Variants in AUTS2 observed in about 807,000 individuals in gnomAD.
AUTS2 encodes the protein activator of transcription and developmental regulator AUTS2.
AUTS2 carries 17 observed loss-of-function variants against 112.4 expected under a neutral mutation model. The ratio of observed to expected loss-of-function variants is 0.15; its 90% CI spans 0.10 to 0.23. AUTS2 has a LOEUF of 0.23. Ranked by LOEUF, AUTS2 falls within the 10% of genes least tolerant of loss-of-function variation. AUTS2 has a pLI of 1.00. For missense variants in AUTS2, 1,510 were observed against 1,701.6 expected (o/e 0.89, Z 1.98); for synonymous variants, 751 against 702.7 (o/e 1.07, Z -1.09).
intron 15 of AUTS2, chr7:70,782,013 T>C: frequency 2.0e-6 from 1 of 505,358 alleles, no homozygotes; most frequent in South Asian, 2.4e-5. Flanking sequence ...TATTTGCTTC[T>C]ATATTAAACC....
chr7:69,714,247 ATATGTGTGTGTGTGTGTG>A (rs1423270570), intron 1 of AUTS2, among the ~76,000 whole-genome samples: 5 of 42,346 alleles, frequency 1.2e-4, no homozygotes, highest in East Asian at 7.2e-4. Flanking sequence ...ATGTGTGTGT[ATATGTGTGTGTGTGTGTG>A]TGTGTGTGTG....
rs983112117 is a variant in AUTS2 at position 70,791,068 on chromosome 7, C to T, written c.*72C>T. On this transcript the variant is annotated 3_prime_UTR_variant, in exon 19 of 19. Coordinates refer to ENST00000342771, the MANE Select transcript of AUTS2 (RefSeq NM_015570.4). ...ACCAGGCCAGGCTTGAGAGACAGAA[C>T]TCCTGCATGGCTCACACAGACTGGG... The T allele has an allele frequency of 4.3e-6, 6 of 1,394,818 alleles. No individual in the cohort carries two copies. The highest frequency in any genetic ancestry group is 2.9e-5 in the African/African-American group (2 of 69,010). 86.4% of individuals were successfully genotyped at this position (1,394,818 alleles called of 1,614,324 possible).
chr7:70,587,755 A>G (rs1011161700), intron 5 of AUTS2, among the ~76,000 whole-genome samples: 8 of 152,226 alleles, frequency 5.3e-5, no homozygotes, highest in African/African-American at 1.2e-4. Flanking sequence ...AATATTGGCA[A>G]TTGTATGTGG....
At position 70,435,786 on chromosome 7, in the gene AUTS2, G is replaced by A; in HGVS notation, c.690+5G>A. The A allele has an allele frequency of 6.2e-7, 1 of 1,613,822 alleles. No individual in the cohort carries two copies. The highest frequency in any genetic ancestry group is 8.5e-7 in the Non-Finnish European group (1 of 1,179,782). On this transcript the variant is annotated splice_donor_5th_base_variant and intron_variant, in intron 5 of 18. Transcript: ENST00000342771. ...GACAGTGACCAGGAAGAGAAGGTAA[G>A]ACCCCCCCTCCCCCATTGTGGGCAC...
intron 4 of AUTS2, among the ~76,000 whole-genome samples, chr7:70,273,580 T>G (rs1230561625): frequency 1.3e-5 from 2 of 152,108 alleles, no homozygotes; most frequent in African/African-American, 2.4e-5. Flanking sequence ...AAATGTAAAC[T>G]CTAATACAAG....
At chr7:69,844,341 A>G (rs1792104388) in intron 1 of AUTS2, among the ~76,000 whole-genome samples, 1 of 152,198 alleles carries the variant, frequency 6.6e-6, no homozygotes, top group African/African-American at 2.4e-5. Flanking sequence ...AGTCTTACTG[A>G]TAACCGAATG....
chr7:70,612,992 G>C (rs1229983673), intron 5 of AUTS2, among the ~76,000 whole-genome samples: 2 of 151,998 alleles, frequency 1.3e-5, no homozygotes, highest in East Asian at 1.9e-4. Flanking sequence ...ACAGCGCGGT[G>C]GTACATCATC....
At chr7:70,417,440 T>C (rs1324357400) in intron 4 of AUTS2, among the ~76,000 whole-genome samples, 2 of 152,158 alleles carry the variant, frequency 1.3e-5, no homozygotes, top group Admixed American at 1.3e-4. Context: ...CGAGGCAATT[T>C]CCAGGCGTAA....
chr7:69,934,085 G>A (rs1445988249), intron 2 of AUTS2, among the ~76,000 whole-genome samples: 1 of 152,204 alleles, frequency 6.6e-6, no homozygotes, highest in African/African-American at 2.4e-5. Context: ...GCGGAATCTA[G>A]TTTTTATCCT....
chr7:69,773,782 C>T (rs1788774488), intron 1 of AUTS2, among the ~76,000 whole-genome samples: 1 of 152,182 alleles, frequency 6.6e-6, no homozygotes, highest in Non-Finnish European at 1.5e-5. Context: ...CCAGGAGTAT[C>T]AGCGGGGTCC....
chr7:70,503,000 A>G (rs1186431535), intron 5 of AUTS2, among the ~76,000 whole-genome samples: 1 of 151,998 alleles, frequency 6.6e-6, no homozygotes, highest in Non-Finnish European at 1.5e-5. Context: ...ATCTATCACC[A>G]TCACCTTGAC....
At chr7:70,531,566 G>A (rs756421000) in intron 5 of AUTS2, among the ~76,000 whole-genome samples, 1 of 152,164 alleles carries the variant, frequency 6.6e-6, no homozygotes, top group African/African-American at 2.4e-5. Context: ...CATATGGTGA[G>A]AGACGGAGCA....
chr7:70,514,885 TC>T (rs1799352623), intron 5 of AUTS2, among the ~76,000 whole-genome samples: 1 of 152,236 alleles, frequency 6.6e-6, no homozygotes, highest in South Asian at 2.1e-4. Context: ...ATTTGGATTT[TC>T]CCAATTACTA....
At chr7:70,494,768 C>T (rs1247709756) in intron 5 of AUTS2, among the ~76,000 whole-genome samples, 1 of 152,092 alleles carries the variant, frequency 6.6e-6, no homozygotes, top group African/African-American at 2.4e-5. Flanking sequence ...AAACAAAGTT[C>T]AAAAAGTAAA....
intron 4 of AUTS2, among the ~76,000 whole-genome samples, chr7:70,319,704 A>G (rs1445685885): frequency 6.6e-6 from 1 of 152,186 alleles, no homozygotes. Context: ...AGAACATCCA[A>G]CACCTTAGGA....
chr7:70,272,533 C>T (rs1169766112), intron 4 of AUTS2, among the ~76,000 whole-genome samples: 2 of 152,152 alleles, frequency 1.3e-5, no homozygotes, highest in Non-Finnish European at 2.9e-5. Flanking sequence ...TTTCTGTGTA[C>T]CACTAACCTA....
chr7:69,978,799 T>C (rs576019202), intron 2 of AUTS2, among the ~76,000 whole-genome samples: 1 of 150,706 alleles, frequency 6.6e-6, no homozygotes, highest in Non-Finnish European at 1.5e-5. Context: ...TGAGCCATGA[T>C]TGCACCTCTG....
At chr7:70,561,487 A>G (rs1248199801) in intron 5 of AUTS2, among the ~76,000 whole-genome samples, 1 of 152,164 alleles carries the variant, frequency 6.6e-6, no homozygotes, top group Non-Finnish European at 1.5e-5. Flanking sequence ...TTAGCCTGGC[A>G]TAGTGGCACG....
At chr7:69,877,813 G>T (rs1205778982) in intron 1 of AUTS2, among the ~76,000 whole-genome samples, 1 of 152,308 alleles carries the variant, frequency 6.6e-6, no homozygotes, top group East Asian at 1.9e-4. Context: ...ACAGACCACT[G>T]GTGTAGACAG....
Sources: gnomAD v4.1 joint callset for allele counts (sites outside exome capture counted in the v4.1 genomes callset) on GRCh38, gnomAD v4.1.1 for gene constraint, MANE v1.5 for transcripts, NCBI Gene and HGNC (gene_info 2026-07-23, HGNC 2026-07-21) for gene names.